LRMDA: variants seen among roughly 807,000 people sequenced by gnomAD.
LRMDA encodes the protein leucine rich melanocyte differentiation associated.
A neutral mutation model predicts 29.8 loss-of-function variants in LRMDA; 18 were observed. The ratio of observed to expected loss-of-function variants is 0.60; its 90% CI spans 0.42 to 0.90. The LOEUF is 0.90. Among genes scored for constraint, LRMDA ranks in the 40% least tolerant of loss-of-function variants. The pLI, the probability that LRMDA is intolerant of heterozygous loss-of-function variation, is 0.00. For synonymous variants in LRMDA, 125 were observed against 109.4 expected (o/e 1.14, Z -0.89); for missense variants, 273 against 273.9 (o/e 1.00, Z 0.02).
chr10:76,313,904 G>T (rs1349463881), intron 5 of LRMDA, among the ~76,000 whole-genome samples: 1 of 151,756 alleles, frequency 6.6e-6, no homozygotes, highest in Non-Finnish European at 1.5e-5. Flanking sequence ...GTTCCCACTT[G>T]ATATTCCTTT....
At chr10:76,199,615 G>C (rs1166579966) in intron 5 of LRMDA, among the ~76,000 whole-genome samples, 2 of 152,134 alleles carry the variant, frequency 1.3e-5, no homozygotes, top group Admixed American at 1.3e-4. Flanking sequence ...TGCCAAATCA[G>C]AAATGCTATC....
At chr10:75,786,138 G>A (rs1433124631) in intron 2 of LRMDA, among the ~76,000 whole-genome samples, 2 of 152,228 alleles carry the variant, frequency 1.3e-5, no homozygotes, top group Non-Finnish European at 2.9e-5. Flanking sequence ...TCCTAAGTTG[G>A]TTATTACATT....
intron 2 of LRMDA, among the ~76,000 whole-genome samples, chr10:75,793,974 C>T (rs940021895): frequency 2.0e-5 from 3 of 152,198 alleles, no homozygotes; most frequent in East Asian, 1.9e-4. Context: ...AGTGGGAAAA[C>T]GGCCATAGGA....
intron 5 of LRMDA, among the ~76,000 whole-genome samples, chr10:76,073,559 A>ATG (rs150254821): frequency 3.3e-5 from 5 of 151,814 alleles, no homozygotes; most frequent in South Asian, 2.1e-4. Flanking sequence ...TGTGCAGGGT[A>ATG]TGTGTGTGTG....
At chr10:76,547,726 C>A (rs1254108831) in intron 6 of LRMDA, among the ~76,000 whole-genome samples, 1 of 152,036 alleles carries the variant, frequency 6.6e-6, no homozygotes, top group African/African-American at 2.4e-5. Flanking sequence ...AAACGTGAGG[C>A]CAGAGCACTT....
At chr10:75,590,020 ATT>A (rs35499338) in intron 2 of LRMDA, among the ~76,000 whole-genome samples, 213 of 136,844 alleles carry the variant, frequency 1.6e-3, no homozygotes, top group East Asian at 2.1e-3. Context: ...GAAGATGATG[ATT>A]TTTTTTTTTT....
chr10:75,700,972 A>G (rs376185813), intron 2 of LRMDA, among the ~76,000 whole-genome samples: 19 of 152,236 alleles, frequency 1.2e-4, no homozygotes, highest in African/African-American at 3.6e-4. Flanking sequence ...TTTACTGAAG[A>G]GTACCAAGTG....
intron 1 of LRMDA, among the ~76,000 whole-genome samples, chr10:75,435,015 A>G (rs900359358): frequency 2.6e-5 from 4 of 152,150 alleles, no homozygotes; most frequent in Non-Finnish European, 5.9e-5. Flanking sequence ...TCTTCTCCGT[A>G]GGGGTCTTTA....
chr10:75,626,843 T>C (rs1296334992), intron 2 of LRMDA, among the ~76,000 whole-genome samples: 1 of 152,204 alleles, frequency 6.6e-6, no homozygotes, highest in African/African-American at 2.4e-5. Context: ...AGGGTCACTC[T>C]TCTGTGTTGG....
At chr10:76,474,160 TGCA>T (rs1842644662) in intron 6 of LRMDA, among the ~76,000 whole-genome samples, 1 of 151,680 alleles carries the variant, frequency 6.6e-6, no homozygotes, top group African/African-American at 2.4e-5. Context: ...GATAGTCACT[TGCA>T]ATAGAATGCA....
chr10:75,692,482 C>T (rs72809472), intron 2 of LRMDA, among the ~76,000 whole-genome samples: 14,965 of 149,330 alleles, frequency 0.1, 901 homozygotes, highest in South Asian at 0.21. Context: ...CACATACACA[C>T]GTATACATAT....
intron 5 of LRMDA, among the ~76,000 whole-genome samples, chr10:76,317,054 T>C (rs1334866326): frequency 6.6e-6 from 1 of 151,674 alleles, no homozygotes; most frequent in Admixed American, 6.6e-5. Flanking sequence ...GAGAATAGAG[T>C]AATGGTCAGG....
intron 5 of LRMDA, among the ~76,000 whole-genome samples, chr10:76,167,956 T>C (rs1421200759): frequency 6.6e-6 from 1 of 152,148 alleles, no homozygotes; most frequent in Non-Finnish European, 1.5e-5. Context: ...GTTATCCTTT[T>C]AGAGGTCTTT....
At chr10:76,137,055 C>G (rs1850108628) in intron 5 of LRMDA, among the ~76,000 whole-genome samples, 1 of 152,190 alleles carries the variant, frequency 6.6e-6, no homozygotes, top group South Asian at 2.1e-4. Context: ...TATCTCCATG[C>G]TTTTGTTTAT....
chr10:75,476,132 G>T (rs1844788885), intron 2 of LRMDA, among the ~76,000 whole-genome samples: 2 of 152,218 alleles, frequency 1.3e-5, no homozygotes, highest in Non-Finnish European at 2.9e-5. Context: ...ACTTAAAGTG[G>T]TGTGATCCAA....
chr10:76,513,251 T>C (rs1204366887), intron 6 of LRMDA, among the ~76,000 whole-genome samples: 1 of 152,188 alleles, frequency 6.6e-6, no homozygotes, highest in African/African-American at 2.4e-5. Context: ...GCTTAGCAGA[T>C]TTTAGAGTTA....
At chr10:76,330,627 AGCAG>A (rs1328489307) in intron 6 of LRMDA, among the ~76,000 whole-genome samples, 1 of 152,130 alleles carries the variant, frequency 6.6e-6, no homozygotes, top group African/African-American at 2.4e-5. Flanking sequence ...GGGATGAGGG[AGCAG>A]GTAAGAGAAG....
intron 2 of LRMDA, among the ~76,000 whole-genome samples, chr10:75,548,962 C>G (rs567286133): frequency 6.6e-6 from 1 of 152,244 alleles, no homozygotes; most frequent in East Asian, 1.9e-4. Flanking sequence ...AATTTCCTAT[C>G]TTGGATAATG....
chr10:76,412,653 T>A (rs1198353276), intron 6 of LRMDA, among the ~76,000 whole-genome samples: 2 of 152,174 alleles, frequency 1.3e-5, no homozygotes, highest in African/African-American at 4.8e-5. Flanking sequence ...GGGAATTGAA[T>A]GAGGAATGAT....
Sources: gnomAD v4.1 joint callset for allele counts (sites outside exome capture counted in the v4.1 genomes callset) on GRCh38, gnomAD v4.1.1 for gene constraint, MANE v1.5 for transcripts, NCBI Gene and HGNC (gene_info 2026-07-23, HGNC 2026-07-21) for gene names.